The following PHACTR2 variants were observed in gnomAD, a reference collection of about 807,000 sequenced individuals.
The protein encoded by PHACTR2 is chromosome 6 open reading frame 56.
In PHACTR2, 30 loss-of-function variants were observed where a neutral mutation model predicts 76.0. The ratio of observed to expected loss-of-function variants is 0.39; its 90% CI spans 0.30 to 0.54. The LOEUF (loss-of-function observed/expected upper bound fraction) is 0.54. Ranked by LOEUF, PHACTR2 falls within the 20% of genes least tolerant of loss-of-function variation. The probability of loss-of-function intolerance (pLI) is 0.61; values close to 1 mark genes in which losing one functional copy is unlikely to be tolerated. For synonymous variants in PHACTR2, 292 were observed against 292.5 expected, an observed-to-expected ratio of 1.00 and a Z score of 0.02; for missense variants, 696 against 781.1, an observed-to-expected ratio of 0.89 and a Z score of 1.30.
In PHACTR2 at chr6:143,793,500, A is replaced by G. The variant is rs1434928035; in HGVS notation, c.1845+4590A>G. 6.6e-6 allele frequency among the ~76,000 whole-genome samples: 1 copy of G among 151,802 alleles called. No homozygotes were observed. Among genetic ancestry groups the G allele is most frequent in the Non-Finnish European group, 1.5e-5 (1 of 67,942 alleles). The stretch of plus-strand genomic sequence containing the variant: ...TTCTCCCTCTGACAGTATCTCTCAC[A>G]TTTCTCCTGAGGCTTTTTAAAGTCT... On this transcript the variant is annotated intron_variant, in intron 11 of 12. Transcript: ENST00000440869. The surrounding 1 kb of genome is among the most constrained non-coding windows in gnomAD (Gnocchi z 4.4).
In PHACTR2 at chr6:143,554,176, C is replaced by A. The variant is rs1345262499; in HGVS notation, c.217+16969C>A. The A allele has an allele frequency of 6.6e-6, 1 of 152,102 alleles. No homozygotes were observed. Among genetic ancestry groups the A allele is most frequent in the Non-Finnish European group, 1.5e-5 (1 of 68,022 alleles). The allele number at this position is 152,102 out of a possible 1,614,324, so 9.4% of individuals were successfully genotyped here. ...AGGAGTGAATCCACAGTATGCAGGG[C>A]TATGGTGTCTGCTTCTTCTCAGGAA... On this transcript the variant is annotated intron_variant, in intron 1 of 11. Coordinates refer to the PHACTR2 transcript ENST00000367584. This position sits in a 1 kb window ranked among gnomAD's most constrained non-coding sequence, Gnocchi z 5.9.
In PHACTR2 at chr6:143,710,993, A is replaced by G. The variant is rs1778164731; in HGVS notation, c.47-1023A>G. 1 of 513,690 alleles carries G rather than the reference A, an allele frequency of 1.9e-6. No homozygotes were observed. Among genetic ancestry groups the G allele is most frequent in the South Asian group, 1.4e-5 (1 of 71,014 alleles). The allele number at this position is 513,690 out of a possible 1,614,324, so 31.8% of individuals were successfully genotyped here. A position where few individuals can be genotyped will look rare whatever the true frequency, so the allele number is the denominator to read the frequency against. On this transcript the variant is annotated intron_variant, in intron 1 of 12. Transcript: ENST00000440869. This position sits in a 1 kb window ranked among gnomAD's most constrained non-coding sequence, Gnocchi z 4.9. Reference sequence around the variant, plus strand: ...ACTTCACCTCTAAACACTTCAGCATACATGTCATTAATTAGACTTCACTGT... The same window carrying G: ...ACTTCACCTCTAAACACTTCAGCATGCATGTCATTAATTAGACTTCACTGT...
chr6:143,776,805 G>A lies in PHACTR2; in HGVS notation c.1590-523G>A, dbSNP rs1329711712. On this transcript the variant is annotated intron_variant, in intron 8 of 12. Coordinates refer to ENST00000440869, the MANE Select transcript of PHACTR2 (RefSeq NM_001100164.2). The surrounding 1 kb of genome is among the most constrained non-coding windows in gnomAD (Gnocchi z 5.3). ...AGGTGAGCGATCCAGTATGGTGGGA[G>A]CATGGCTCCTTGAAGTCTGCCTGGC... Among the ~76,000 whole-genome samples the A allele has an allele frequency of 2.0e-5, 3 of 152,244 alleles. No individual in the cohort carries two copies. The highest frequency in any genetic ancestry group is 1.9e-4 in the East Asian group (1 of 5,194).
At position 143,826,447 on chromosome 6, in the gene PHACTR2, A is replaced by G. The variant is rs1776532095; in HGVS notation, c.*2758A>G. 6.6e-6 allele frequency: 1 copy of G among 152,242 alleles called. No individual in the cohort carries two copies. The highest frequency in any genetic ancestry group is 2.4e-5 in the African/African-American group (1 of 41,468). The allele number at this position is 152,242 out of a possible 1,614,324, so 9.4% of individuals were successfully genotyped here. A position where few individuals can be genotyped will look rare whatever the true frequency, so the allele number is the denominator to read the frequency against. ...GGTTTTTGGCTATTTAAAGTTTGAC[A>G]TTAGGCTGACATCGAGGAAGTAAGT... On this transcript the variant is annotated 3_prime_UTR_variant, in exon 13 of 13. Transcript: ENST00000440869.
chr6:143,777,432 C>G lies in PHACTR2; in HGVS notation c.1645+49C>G. On this transcript the variant is annotated intron_variant, in intron 9 of 12. Transcript: ENST00000440869. This position sits in a 1 kb window ranked among gnomAD's most constrained non-coding sequence, Gnocchi z 4.6. ...GATTCCTTGTGTAATCGCTAACAAG[C>G]TGCCTCTACAGATGATCGATTTATC... 1.0e-6 allele frequency: 1 copy of G among 974,532 alleles called. No homozygotes were observed. The highest frequency in any genetic ancestry group is 1.6e-6 in the Non-Finnish European group (1 of 636,968). The allele number at this position is 974,532 out of a possible 1,614,324, so 60.4% of individuals were successfully genotyped here.
At chr6:143,643,992 G>C (rs1178415694) in intron 1 of PHACTR2, among the ~76,000 whole-genome samples, 1 of 151,830 alleles carries the variant, frequency 6.6e-6, no homozygotes, top group African/African-American at 2.4e-5. Flanking sequence ...CTACCCCCAG[G>C]GTTTTTAAAT....
At position 143,595,861 on chromosome 6, in the gene PHACTR2, T is replaced by G. The variant is rs1226255301; in HGVS notation, c.217+58654T>G. Among the ~76,000 whole-genome samples, 1 of 152,228 alleles carries G rather than the reference T, an allele frequency of 6.6e-6. No homozygotes were observed. The highest frequency in any genetic ancestry group is 1.5e-5 in the Non-Finnish European group (1 of 68,026). On this transcript the variant is annotated intron_variant, in intron 1 of 11. Transcript: ENST00000367584. The surrounding 1 kb of genome is among the most constrained non-coding windows in gnomAD (Gnocchi z 4.2). ...CATGCTGATGGTGCTATTTAAACAT[T>G]AATCCTTTAACCTTTTCCTTCTCCC...
At chr6:143,779,576 C>T (rs1238100226) in intron 9 of PHACTR2, among the ~76,000 whole-genome samples, 1 of 152,138 alleles carries the variant, frequency 6.6e-6, no homozygotes, top group Non-Finnish European at 1.5e-5. Context: ...TCTCGAACTC[C>T]TGACTTCGTG....
At chr6:143,810,352 T>C (rs927932038) in intron 12 of PHACTR2, among the ~76,000 whole-genome samples, 1 of 152,182 alleles carries the variant, frequency 6.6e-6, no homozygotes, top group African/African-American at 2.4e-5. Context: ...TCTGGGCATA[T>C]ACATTTTGCA....
chr6:143,566,996 T>C (rs551491095), intron 1 of PHACTR2, among the ~76,000 whole-genome samples: 20 of 152,286 alleles, frequency 1.3e-4, no homozygotes, highest in African/African-American at 4.1e-4. Context: ...GAATTTCCTT[T>C]TGAAGCGTCT....
intron 1 of PHACTR2, among the ~76,000 whole-genome samples, chr6:143,626,786 CAATT>C (rs1776268546): frequency 6.6e-6 from 1 of 151,968 alleles, no homozygotes. Flanking sequence ...TGAAGCGTGT[CAATT>C]AAAGAAAGAC....
rs895743583 is a variant in PHACTR2, at chr6:143,794,209, G to A, written c.1845+5299G>A. Among the ~76,000 whole-genome samples, 27 of 151,712 alleles carry A rather than the reference G, an allele frequency of 1.8e-4. No individual in the cohort carries two copies. Among genetic ancestry groups the A allele is most frequent in the African/African-American group, 6.5e-4 (27 of 41,476 alleles). On this transcript the variant is annotated intron_variant, in intron 11 of 12. Coordinates refer to ENST00000440869, the MANE Select transcript of PHACTR2 (RefSeq NM_001100164.2). The surrounding 1 kb of genome is among the most constrained non-coding windows in gnomAD (Gnocchi z 4.1). ...CAATATTATTGCCCAAAGATCCTAA[G>A]ACTATCAATGGTCTTAGTGTATATT...
At position 143,660,003 on chromosome 6, in the gene PHACTR2, T is replaced by C. The variant is rs546832734; in HGVS notation, c.13+51681T>C. ...TTTAGTAGGTACATATTAAATGTCATTATGGTAATATTCAGATCTGGTGTT... is the reference window on the plus strand; with the variant it reads ...TTTAGTAGGTACATATTAAATGTCACTATGGTAATATTCAGATCTGGTGTT... On this transcript the variant is annotated intron_variant, in intron 1 of 11. Coordinates refer to the PHACTR2 transcript ENST00000305766. 9.8e-5 allele frequency among the ~76,000 whole-genome samples: 15 copies of C among 152,324 alleles called. No individual in the cohort carries two copies. In the East Asian group the frequency reaches 2.7e-3, roughly 27 times the overall value.
In PHACTR2 at chr6:143,570,794, A is replaced by AGGGT. The variant is rs1775437895; in HGVS notation, c.217+33587_217+33588insGGGT. Reference sequence around the variant, plus strand: ...GTAGGGGGCCTCTATCTTATTGAGCACACTTTTGACGGTGGAGATGCCGCT... The same window carrying AGGGT: ...GTAGGGGGCCTCTATCTTATTGAGCAGGGTCACTTTTGACGGTGGAGATGCCGCT... On this transcript the variant is annotated intron_variant, in intron 1 of 11. Transcript: ENST00000367584. This position sits in a 1 kb window ranked among gnomAD's most constrained non-coding sequence, Gnocchi z 4.6. Among the ~76,000 whole-genome samples the AGGGT allele has an allele frequency of 6.6e-6, 1 of 152,062 alleles. No individual in the cohort carries two copies. Among genetic ancestry groups the AGGGT allele is most frequent in the African/African-American group, 2.4e-5 (1 of 41,404 alleles).
At position 143,789,587 on chromosome 6, in the gene PHACTR2, C is replaced by T. The variant is rs756741611; in HGVS notation, c.1845+677C>T. ...TACCATTGTTCCATAGGCAAAGATT[C>T]GTGCCAACCGTTTGTTTTTAAATTG... is the stretch of plus-strand genomic sequence containing the variant. On this transcript the variant is annotated intron_variant, in intron 11 of 12. Transcript: ENST00000440869. The surrounding 1 kb of genome is among the most constrained non-coding windows in gnomAD (Gnocchi z 5.1). Among the ~76,000 whole-genome samples, 17 of 152,182 alleles carry T rather than the reference C, an allele frequency of 1.1e-4. No individual in the cohort carries two copies. In the East Asian group the frequency reaches 1.9e-3, roughly 17 times the overall value.
In PHACTR2 at chr6:143,774,442, T is replaced by C. The variant is rs1775227096; in HGVS notation, c.1589+227T>C. Among the ~76,000 whole-genome samples the C allele has an allele frequency of 6.6e-6, 1 of 152,190 alleles. No individual in the cohort carries two copies. The highest frequency in any genetic ancestry group is 2.4e-5 in the African/African-American group (1 of 41,444). On this transcript the variant is annotated intron_variant, in intron 8 of 12. Transcript: ENST00000440869. This position sits in a 1 kb window ranked among gnomAD's most constrained non-coding sequence, Gnocchi z 5.4. ...AAGCCTATTCCAGGAGTCAAAAACT[T>C]TTTTTTAAAGACCAGTTGGCAAACA... is the stretch of plus-strand genomic sequence containing the variant.
rs774504511 is a variant in PHACTR2 at position 143,653,210 on chromosome 6, C to T, written c.13+44888C>T. On this transcript the variant is annotated intron_variant, in intron 1 of 11. Coordinates refer to the PHACTR2 transcript ENST00000305766. This position sits in a 1 kb window ranked among gnomAD's most constrained non-coding sequence, Gnocchi z 4.9. ...ACACGTCAGGAAGCAATTTGTGCATCGAGACTCGAGCTGCTTTGGAGTTTC... is the reference window on the plus strand; with the variant it reads ...ACACGTCAGGAAGCAATTTGTGCATTGAGACTCGAGCTGCTTTGGAGTTTC... 1.3e-5 allele frequency among the ~76,000 whole-genome samples: 2 copies of T among 152,130 alleles called. No individual in the cohort carries two copies. The highest frequency in any genetic ancestry group is 2.9e-5 in the Non-Finnish European group (2 of 68,030).
At chr6:143,601,375 T>C (rs1775813178) in intron 1 of PHACTR2, among the ~76,000 whole-genome samples, 1 of 152,206 alleles carries the variant, frequency 6.6e-6, no homozygotes, top group Non-Finnish European at 1.5e-5. Flanking sequence ...TGGCCAGAGC[T>C]TCCCCAACAT....
chr6:143,744,792 G>A (rs576982945), intron 2 of PHACTR2, among the ~76,000 whole-genome samples: 8 of 152,370 alleles, frequency 5.3e-5, no homozygotes, highest in Admixed American at 5.2e-4. Context: ...AAGATTACCA[G>A]AGTATAAGCC....
Sources: allele counts gnomAD v4.1 joint callset (sites outside exome capture counted in the v4.1 genomes callset), GRCh38; gene constraint gnomAD v4.1.1; non-coding constraint Gnocchi (gnomAD v3.1); transcripts MANE v1.5; gene names NCBI Gene and HGNC (gene_info 2026-07-23, HGNC 2026-07-21).